RIMKLB: variants seen among roughly 807,000 people sequenced by gnomAD.
RIMKLB encodes ribosomal modification protein rimK like family member B, also known as beta-citrylglutamate synthase B.
RIMKLB carries 7 observed loss-of-function variants against 32.0 expected under a neutral mutation model. That is an observed-to-expected ratio of 0.22 (90% CI 0.12 to 0.41). The LOEUF (loss-of-function observed/expected upper bound fraction) is 0.41. Among genes scored for constraint, RIMKLB ranks in the 10% least tolerant of loss-of-function variants. The pLI, the probability that RIMKLB is intolerant of heterozygous loss-of-function variation, is 1.00. For missense variants in RIMKLB, 289 were observed against 498.7 expected (o/e 0.58, Z 4.00); for synonymous variants, 172 against 185.1 (o/e 0.93, Z 0.57).
intron 1 of RIMKLB, among the ~76,000 whole-genome samples, chr12:8,705,334 G>A (rs559774990): frequency 1.8e-4 from 27 of 152,020 alleles, no homozygotes; most frequent in African/African-American, 6.0e-4. Context: ...AAAATTAGCC[G>A]GGTGTGGTGG....
chr12:8,761,428 AAT>A (rs1176870252), intron 5 of RIMKLB, among the ~76,000 whole-genome samples: 1 of 151,996 alleles, frequency 6.6e-6, no homozygotes, highest in African/African-American at 2.4e-5. Context: ...TGCAAGATTT[AAT>A]AGAGCGAAAA....
At chr12:8,731,697 T>G (rs2137300462) in intron 2 of RIMKLB, among the ~76,000 whole-genome samples, 2 of 152,320 alleles carry the variant, frequency 1.3e-5, no homozygotes, top group South Asian at 4.1e-4. Flanking sequence ...TGTTTTTATT[T>G]TGGCATCTTA....
At chr12:8,708,548 T>C (rs1223971821) in intron 1 of RIMKLB, among the ~76,000 whole-genome samples, 3 of 152,192 alleles carry the variant, frequency 2.0e-5, no homozygotes, top group Admixed American at 2.0e-4. Flanking sequence ...TTAAGGAAAT[T>C]TGATCCAGTA....
At chr12:8,677,792 A>G (rs1942352304), upstream of RIMKLB, among the ~76,000 whole-genome samples, 1 of 147,236 alleles carries the variant, frequency 6.8e-6, no homozygotes, top group Non-Finnish European at 1.5e-5. Flanking sequence ...TCACTCTGTT[A>G]CCCAAGCTGG....
At chr12:8,737,414 C>G (rs1309055094) in intron 2 of RIMKLB, among the ~76,000 whole-genome samples, 1 of 152,070 alleles carries the variant, frequency 6.6e-6, no homozygotes, top group Non-Finnish European at 1.5e-5. Context: ...TGCTGTACTT[C>G]ATAATTCTTT....
chr12:8,775,926 A>C lies in RIMKLB; in HGVS notation c.*2142A>C. ...TACCTCTGACTCATTAACAGAAAGA[A>C]ATACTTGGTACTTCTTTCGCTGAAT... On this transcript the variant is annotated 3_prime_UTR_variant, in exon 6 of 6. Transcript: ENST00000535829. 1.0e-6 allele frequency: 1 copy of C among 985,020 alleles called. No individual in the cohort carries two copies. The highest frequency in any genetic ancestry group is 1.2e-6 in the Non-Finnish European group (1 of 829,530). 61.0% of individuals were successfully genotyped at this position (985,020 alleles called of 1,614,324 possible).
upstream of RIMKLB, among the ~76,000 whole-genome samples, chr12:8,694,387 ATTTTTTTTC>A (rs1942825506): frequency 1.7e-5 from 2 of 119,078 alleles, no homozygotes; most frequent in African/African-American, 3.3e-5. Context: ...ATCCTGTTGA[ATTTTTTTTC>A]TTTTTTTTTT....
the RIMKLB span, among the ~76,000 whole-genome samples, chr12:8,670,026 C>CAAAAAAAAA: frequency 1.6e-4 from 6 of 36,940 alleles, no homozygotes; most frequent in African/African-American, 6.3e-4. Context: ...GACTCCGTCT[C>CAAAAAAAAA]AAAAAAAAAA....
downstream of RIMKLB, among the ~76,000 whole-genome samples, chr12:8,781,323 C>T (rs1471137698): frequency 6.6e-6 from 1 of 152,168 alleles, no homozygotes; most frequent in East Asian, 1.9e-4. Flanking sequence ...GCCTGGGCAA[C>T]AAGAACAAAA....
chr12:8,730,090 C>CT (rs1946400884), intron 2 of RIMKLB, among the ~76,000 whole-genome samples: 1 of 152,056 alleles, frequency 6.6e-6, no homozygotes, highest in Non-Finnish European at 1.5e-5. Context: ...TGCTTTTGTT[C>CT]TTTGTGTGTG....
intron 2 of RIMKLB, among the ~76,000 whole-genome samples, chr12:8,715,511 A>G (rs71447530): frequency 2.6e-5 from 4 of 152,244 alleles, no homozygotes; most frequent in Non-Finnish European, 2.9e-5. Context: ...GGCATGAGGC[A>G]CCATGCCCAC....
upstream of RIMKLB, chr12:8,697,321 A>C (rs1942926369): frequency 6.6e-6 from 1 of 152,218 alleles, no homozygotes; most frequent in South Asian, 2.1e-4. Context: ...GTCCCGGATA[A>C]AGACCTTCTA....
intron 1 of RIMKLB, among the ~76,000 whole-genome samples, chr12:8,711,408 A>G (rs767782866): frequency 1.3e-5 from 2 of 152,144 alleles, no homozygotes; most frequent in Non-Finnish European, 2.9e-5. Context: ...AAGAAAAAAA[A>G]AATCATCTGC....
chr12:8,773,936 A>T lies in RIMKLB; in HGVS notation c.*152A>T, dbSNP rs779776246. 79 of 1,426,620 alleles carry T rather than the reference A, an allele frequency of 5.5e-5. No homozygotes were observed. Among genetic ancestry groups the T allele is most frequent in the Non-Finnish European group, 6.9e-5 (75 of 1,094,068 alleles). 88.4% of individuals were successfully genotyped at this position (1,426,620 alleles called of 1,614,324 possible). On this transcript the variant is annotated 3_prime_UTR_variant, in exon 6 of 6. Coordinates refer to ENST00000535829, the MANE Select transcript of RIMKLB (RefSeq NM_001297776.2). ...TTGGAGAGAGTGGGAGATAGATGAG[A>T]CCTCTGCTAGTAAGATGTTACTTTC...
At chr12:8,698,961 C>CA (rs777285492) in intron 1 of RIMKLB, among the ~76,000 whole-genome samples, 18 of 146,788 alleles carry the variant, frequency 1.2e-4, no homozygotes, top group South Asian at 4.3e-4. Flanking sequence ...CACCCCCCCC[C>CA]AAAAAAAACC....
rs907133051 is a variant in RIMKLB at position 8,701,085 on chromosome 12, T to C, written c.-57+2788T>C. ...TCTCAAAAAAAAAGAAAAAAGAAAC[T>C]GTAATACGTTATTAGAATCTGAGGG... On this transcript the variant is annotated intron_variant, in intron 1 of 5. Transcript: ENST00000535829. Among the ~76,000 whole-genome samples, 3 of 152,056 alleles carry C rather than the reference T, an allele frequency of 2.0e-5. No homozygotes were observed. In the South Asian group the frequency reaches 6.2e-4, roughly 32 times the overall value.
downstream of RIMKLB, chr12:8,777,641 G>GA (rs1324890693): frequency 2.3e-6 from 3 of 1,288,956 alleles, no homozygotes; most frequent in East Asian, 5.6e-5. Flanking sequence ...AATACCCAGA[G>GA]AAAAAACTTT....
At position 8,690,681 on chromosome 12, in the gene RIMKLB, T is replaced by C. The variant is rs139952824; in HGVS notation, n.219+8863T>C. Among the ~76,000 whole-genome samples, 358 of 152,284 alleles carry C rather than the reference T, an allele frequency of 2.4e-3. 4 individuals are homozygous for C. Among genetic ancestry groups the C allele is most frequent in the African/African-American group, 8.3e-3 (343 of 41,550 alleles). ...GGCTCACGCCTGTAATCCCAACACT[T>C]TGGAAGGCCAATGCAGGTGGATCAT... On this transcript the variant is annotated intron_variant and non_coding_transcript_variant, in intron 1 of 1. Transcript: ENST00000538758.
At chr12:8,714,994 T>TA (rs1050864642) in intron 2 of RIMKLB, among the ~76,000 whole-genome samples, 1 of 152,182 alleles carries the variant, frequency 6.6e-6, no homozygotes, top group Admixed American at 6.5e-5. Flanking sequence ...ATCTTACCTT[T>TA]ATCTGCCATG....
Sources: gnomAD v4.1 joint callset for allele counts (sites outside exome capture counted in the v4.1 genomes callset) on GRCh38, gnomAD v4.1.1 for gene constraint, MANE v1.5 for transcripts, NCBI Gene and HGNC (gene_info 2026-07-23, HGNC 2026-07-21) for gene names.